Variants in ADORA2B observed in about 807,000 individuals in gnomAD.
ADORA2B encodes adenosine receptor A2b.
A neutral mutation model predicts 20.8 loss-of-function variants in ADORA2B; 18 were observed. The observed-to-expected ratio is 0.87, with a 90% CI of 0.60 to 1.29. The LOEUF is 1.29. ADORA2B is among the 50% of genes most tolerant of loss of function. ADORA2B has a pLI of 0.00. For synonymous variants in ADORA2B, 179 were observed against 178.3 expected, an observed-to-expected ratio of 1.00 and a Z score of -0.03; for missense variants, 441 against 422.7, an observed-to-expected ratio of 1.04 and a Z score of -0.38.
the ADORA2B span, among the ~76,000 whole-genome samples, chr17:15,867,983 A>G: frequency 1.3e-5 from 2 of 150,920 alleles, no homozygotes; most frequent in African/African-American, 4.9e-5. Flanking sequence ...GTGTCTGTGT[A>G]GAAAGAGGTA....
At chr17:15,862,164 A>G in the ADORA2B span, among the ~76,000 whole-genome samples, 25 of 150,596 alleles carry the variant, frequency 1.7e-4, no homozygotes, top group Non-Finnish European at 3.4e-4. Flanking sequence ...GGCAGCATTG[A>G]CAGCTCCCTT....
the ADORA2B span, among the ~76,000 whole-genome samples, chr17:15,897,723 AG>A: frequency 9.5e-4 from 145 of 152,340 alleles, no homozygotes; most frequent in South Asian, 2.5e-3. Context: ...ATTAGTGATC[AG>A]GAAAATCTAA....
In ADORA2B at chr17:15,960,646, C is replaced by T. The variant is rs565970910; in HGVS notation, c.336-14033C>T. Among the ~76,000 whole-genome samples the T allele has an allele frequency of 2.0e-5, 3 of 150,760 alleles. No individual in the cohort carries two copies. In the East Asian group the frequency reaches 5.9e-4, roughly 30 times the overall value. On this transcript the variant is annotated intron_variant, in intron 1 of 1. Transcript: ENST00000304222. Reference sequence around the variant, plus strand: ...CAGCACTTTGGGAGGCGAAGGCAGGCAGATCATGAGGTCAGGAGATCGAGA... The same window carrying T: ...CAGCACTTTGGGAGGCGAAGGCAGGTAGATCATGAGGTCAGGAGATCGAGA...
chr17:15,888,018 G>C, the ADORA2B span, among the ~76,000 whole-genome samples: 1 of 110,608 alleles, frequency 9.0e-6, no homozygotes, highest in Non-Finnish European at 1.8e-5. Context: ...AACTTGATTT[G>C]GGAGATAATG....
In ADORA2B at chr17:15,945,521, C is replaced by T; in HGVS notation, c.273C>T (p.Ser91=). Reference sequence around the variant, plus strand: ...GCTTCGTGCTGGTGCTCACGCAGAGCTCCATCTTCAGCCTTCTGGCCGTGG... The same window carrying T: ...GCTTCGTGCTGGTGCTCACGCAGAGTTCCATCTTCAGCCTTCTGGCCGTGG... ...LACFVLVLTQ[S]SIFSLLAVAV... Residue 91 remains serine, a synonymous_variant, in exon 1 of 2, where the codon AGC becomes AGT. Transcript: ENST00000304222. The T allele has an allele frequency of 6.2e-7, 1 of 1,606,546 alleles. No homozygotes were observed. The highest frequency in any genetic ancestry group is 8.5e-7 in the Non-Finnish European group (1 of 1,177,478).
chr17:15,870,313 T>G, the ADORA2B span, among the ~76,000 whole-genome samples: 1 of 149,768 alleles, frequency 6.7e-6, no homozygotes, highest in Non-Finnish European at 1.5e-5. Context: ...GTTCCTTAGA[T>G]GAAGATACAT....
the ADORA2B span, among the ~76,000 whole-genome samples, chr17:15,937,633 C>T: frequency 1.3e-5 from 2 of 151,376 alleles, no homozygotes; most frequent in Non-Finnish European, 2.9e-5. Context: ...AGTGCAATGG[C>T]GCCATCTTGG....
the ADORA2B span, among the ~76,000 whole-genome samples, chr17:15,903,617 C>A: frequency 6.6e-6 from 1 of 152,036 alleles, no homozygotes; most frequent in Non-Finnish European, 1.5e-5. Context: ...CTTGCTATCT[C>A]CCTGTGGGTT....
intron 1 of ADORA2B, among the ~76,000 whole-genome samples, chr17:15,969,093 GTCCTTCCCC>G (rs1259908195): frequency 6.6e-5 from 10 of 152,136 alleles, no homozygotes; most frequent in African/African-American, 2.4e-4. Context: ...CTGAGGAAGT[GTCCTTCCCC>G]ACATGCCCTG....
At chr17:15,852,934 G>A in the ADORA2B span, among the ~76,000 whole-genome samples, 3 of 151,962 alleles carry the variant, frequency 2.0e-5, 1 homozygote, top group South Asian at 6.2e-4. Flanking sequence ...AAACAAGACA[G>A]ATAGGGCAGA....
the ADORA2B span, among the ~76,000 whole-genome samples, chr17:15,866,400 T>C: frequency 1.3e-5 from 2 of 152,056 alleles, no homozygotes; most frequent in African/African-American, 4.8e-5. Context: ...CTTTTGGCAG[T>C]GGAGATTGAG....
the ADORA2B span, among the ~76,000 whole-genome samples, chr17:15,899,386 TAGC>T: frequency 3.3e-4 from 51 of 152,334 alleles, no homozygotes; most frequent in African/African-American, 1.2e-3. Flanking sequence ...TTCAAGTAAA[TAGC>T]AGTTTCTGGG....
chr17:15,865,406 C>T, the ADORA2B span, among the ~76,000 whole-genome samples: 4 of 151,016 alleles, frequency 2.6e-5, no homozygotes, highest in Admixed American at 6.6e-5. Context: ...GGATTACAGT[C>T]GTGAGCCACC....
At chr17:15,874,030 GTA>G in the ADORA2B span, among the ~76,000 whole-genome samples, 1 of 135,924 alleles carries the variant, frequency 7.4e-6, no homozygotes, top group East Asian at 2.0e-4. Context: ...AAATGTGACT[GTA>G]TATATATGTG....
At chr17:15,919,830 C>T in the ADORA2B span, among the ~76,000 whole-genome samples, 3 of 152,116 alleles carry the variant, frequency 2.0e-5, no homozygotes, top group Non-Finnish European at 2.9e-5. Context: ...CCCACTTTCT[C>T]CAGCCACTTT....
At chr17:15,871,002 C>CT in the ADORA2B span, among the ~76,000 whole-genome samples, 23 of 152,320 alleles carry the variant, frequency 1.5e-4, no homozygotes, top group Admixed American at 4.6e-4. Context: ...GTGCTACAAC[C>CT]TAACAGTGGA....
At chr17:15,948,470 G>A (rs142680549) in intron 1 of ADORA2B, among the ~76,000 whole-genome samples, 19 of 150,408 alleles carry the variant, frequency 1.3e-4, no homozygotes, top group Middle Eastern at 3.4e-3. Flanking sequence ...GGAGGTGGAC[G>A]TGTACAGGCA....
chr17:15,953,007 C>T (rs1016129628), intron 1 of ADORA2B, among the ~76,000 whole-genome samples: 8 of 152,298 alleles, frequency 5.3e-5, no homozygotes, highest in Admixed American at 1.3e-4. Context: ...GTCCCAGGCA[C>T]GGGCGGGCAG....
the ADORA2B span, among the ~76,000 whole-genome samples, chr17:15,913,504 G>A: frequency 3.3e-5 from 5 of 152,164 alleles, no homozygotes; most frequent in African/African-American, 9.7e-5. Context: ...GACCCCTGGA[G>A]GGAAACTCAA....
Sources: gnomAD v4.1 joint callset for allele counts (sites outside exome capture counted in the v4.1 genomes callset) on GRCh38, gnomAD v4.1.1 for gene constraint, MANE v1.5 for transcripts, NCBI Gene and HGNC (gene_info 2026-07-23, HGNC 2026-07-21) for gene names.